Variants in UNC79 observed in about 807,000 individuals in gnomAD.
UNC79 encodes the protein unc-79 subunit of NALCN channel complex.
Under a neutral mutation model 283.1 loss-of-function variants are expected in UNC79, and 37 were observed. The observed-to-expected ratio is 0.13, with a 90% confidence interval of 0.10 to 0.17. The LOEUF (loss-of-function observed/expected upper bound fraction) is 0.17. Ranked by LOEUF, UNC79 falls within the 10% of genes least tolerant of loss-of-function variation. The pLI is 1.00. For synonymous variants in UNC79, 1,107 were observed against 1,200.2 expected, an observed-to-expected ratio of 0.92 and a Z score of 1.61; for missense variants, 2,272 against 3,211.1, an observed-to-expected ratio of 0.71 and a Z score of 7.07.
intron 1 of UNC79, among the ~76,000 whole-genome samples, chr14:93,359,805 G>T (rs1256189613): frequency 6.6e-6 from 1 of 152,278 alleles, no homozygotes; most frequent in East Asian, 1.9e-4. Flanking sequence ...CTTGAATGAA[G>T]GGGAGGCCGG....
chr14:93,341,106 T>C (rs942959487), intron 1 of UNC79, among the ~76,000 whole-genome samples: 2 of 152,136 alleles, frequency 1.3e-5, no homozygotes, highest in Non-Finnish European at 2.9e-5. Context: ...AGAAATCCAT[T>C]GAAGAATATC....
intron 7 of UNC79, among the ~76,000 whole-genome samples, chr14:93,507,958 T>C (rs2059631019): frequency 6.6e-6 from 1 of 152,164 alleles, no homozygotes; most frequent in Non-Finnish European, 1.5e-5. Context: ...TTTTCTCCCC[T>C]TTGAATTATA....
intron 14 of UNC79, among the ~76,000 whole-genome samples, chr14:93,546,115 G>A (rs2061590300): frequency 2.0e-5 from 3 of 152,228 alleles, no homozygotes; most frequent in Admixed American, 2.0e-4. Context: ...TCATAGTGAT[G>A]TTATCCGCAG....
chr14:93,417,791 C>T (rs564426602), intron 1 of UNC79, among the ~76,000 whole-genome samples: 1 of 152,052 alleles, frequency 6.6e-6, no homozygotes, highest in South Asian at 2.1e-4. Flanking sequence ...ATCACTGATA[C>T]CCTTTCTTCC....
chr14:93,578,025 A>AATT (rs2063569296), exon 18 of UNC79: 1 of 1,614,126 alleles, frequency 6.2e-7, no homozygotes, highest in South Asian at 1.1e-5. Context: ...AATGAATCTA[A>AATT]ATTGTTTCAT....
At chr14:93,677,900 G>A (rs531061986) in intron 41 of UNC79, among the ~76,000 whole-genome samples, 12 of 152,196 alleles carry the variant, frequency 7.9e-5, no homozygotes, top group African/African-American at 2.9e-4. Flanking sequence ...TGCCTGCCTC[G>A]GCCTCCCAAA....
chr14:93,574,718 T>C (rs967963945), intron 16 of UNC79, among the ~76,000 whole-genome samples: 1 of 152,166 alleles, frequency 6.6e-6, no homozygotes, highest in Non-Finnish European at 1.5e-5. Flanking sequence ...AGAGTGGGGA[T>C]GGACTGGAGA....
intron 1 of UNC79, among the ~76,000 whole-genome samples, chr14:93,422,985 C>G (rs538455029): frequency 1.4e-5 from 2 of 145,276 alleles, no homozygotes; most frequent in Non-Finnish European, 3.0e-5. Flanking sequence ...ATGGCGTGCA[C>G]CTGGGAGGTG....
intron 7 of UNC79, among the ~76,000 whole-genome samples, chr14:93,514,746 A>G (rs1462435384): frequency 3.3e-5 from 5 of 152,144 alleles, no homozygotes; most frequent in Admixed American, 2.0e-4. Flanking sequence ...CCATTTTTCT[A>G]TGCTGCATTT....
intron 38 of UNC79, among the ~76,000 whole-genome samples, chr14:93,655,644 G>GAAAAAAAA (rs59172906): frequency 2.1e-4 from 17 of 81,734 alleles, no homozygotes; most frequent in Non-Finnish European, 3.4e-4. Flanking sequence ...CAGTTGATTT[G>GAAAAAAAA]AAAAAAAAAA....
At chr14:93,671,589 A>G (rs2072867286) in intron 40 of UNC79, among the ~76,000 whole-genome samples, 1 of 152,120 alleles carries the variant, frequency 6.6e-6, no homozygotes, top group Non-Finnish European at 1.5e-5. Flanking sequence ...CCTGACCAAC[A>G]TGGAGAAACC....
intron 1 of UNC79, among the ~76,000 whole-genome samples, chr14:93,456,969 G>GT (rs1185351128): frequency 2.0e-5 from 3 of 152,202 alleles, no homozygotes; most frequent in African/African-American, 7.2e-5. Context: ...ATGGATGGTG[G>GT]TGGAATTGGG....
At chr14:93,663,660 A>G (rs1229418615) in intron 40 of UNC79, among the ~76,000 whole-genome samples, 2 of 152,154 alleles carry the variant, frequency 1.3e-5, no homozygotes, top group East Asian at 3.8e-4. Context: ...TTTTCTGATT[A>G]GAAACTATTT....
chr14:93,336,000 T>C (rs2053571619), intron 1 of UNC79, among the ~76,000 whole-genome samples: 1 of 152,218 alleles, frequency 6.6e-6, no homozygotes, highest in Non-Finnish European at 1.5e-5. Context: ...TGGTCATCTA[T>C]GTTGAAAATA....
At chr14:93,470,404 CAGTT>C (rs1265222790) in intron 2 of UNC79, among the ~76,000 whole-genome samples, 2 of 152,132 alleles carry the variant, frequency 1.3e-5, no homozygotes, top group Non-Finnish European at 2.9e-5. Flanking sequence ...ACTATAAAAT[CAGTT>C]GAAGAGTCCA....
intron 1 of UNC79, among the ~76,000 whole-genome samples, chr14:93,335,772 A>G (rs984070781): frequency 2.0e-5 from 3 of 152,258 alleles, no homozygotes; most frequent in Non-Finnish European, 4.4e-5. Context: ...AAACCATGAC[A>G]TCATTTGAAT....
intron 1 of UNC79, among the ~76,000 whole-genome samples, chr14:93,416,530 A>G (rs1247465538): frequency 6.6e-6 from 1 of 152,172 alleles, no homozygotes; most frequent in African/African-American, 2.4e-5. Context: ...GTAGATGTCT[A>G]TTAGGTCTGC....
At chr14:93,552,995 A>G (rs2061973727) in intron 14 of UNC79, among the ~76,000 whole-genome samples, 1 of 152,240 alleles carries the variant, frequency 6.6e-6, no homozygotes, top group Non-Finnish European at 1.5e-5. Context: ...CTCAATTTTT[A>G]GAAAAGCAGT....
intron 14 of UNC79, among the ~76,000 whole-genome samples, chr14:93,571,192 G>A (rs2063187481): frequency 6.6e-6 from 1 of 152,140 alleles, no homozygotes; most frequent in African/African-American, 2.4e-5. Context: ...ATTTAGTAAA[G>A]ACTCAGGACC....
Sources: gnomAD v4.1 joint callset for allele counts (sites outside exome capture counted in the v4.1 genomes callset) on GRCh38, gnomAD v4.1.1 for gene constraint, MANE v1.5 for transcripts, NCBI Gene and HGNC (gene_info 2026-07-23, HGNC 2026-07-21) for gene names.